PDE1A: variants seen among roughly 807,000 people sequenced by gnomAD.
The protein encoded by PDE1A is dual specificity calcium/calmodulin-dependent 3',5'-cyclic nucleotide phosphodiesterase 1A.
In PDE1A, 35 loss-of-function variants were observed where a neutral mutation model predicts 61.7. That is an observed-to-expected ratio of 0.57 (90% CI 0.43 to 0.75). PDE1A has a LOEUF of 0.75. Among genes scored for constraint, PDE1A ranks in the 30% least tolerant of loss-of-function variants. The pLI, the probability that PDE1A is intolerant of heterozygous loss-of-function variation, is 0.00. For missense variants in PDE1A, 597 were observed against 630.6 expected (o/e 0.95, Z 0.57); for synonymous variants, 232 against 213.2 (o/e 1.09, Z -0.77).
the PDE1A span, among the ~76,000 whole-genome samples, chr2:182,649,678 T>C: frequency 6.6e-6 from 1 of 151,442 alleles, no homozygotes; most frequent in African/African-American, 2.4e-5. Context: ...GGGCGCAATC[T>C]CAGTTCACTG....
chr2:182,449,049 T>TACACATACAC (rs1685328394), intron 2 of PDE1A, among the ~76,000 whole-genome samples: 1 of 90,574 alleles, frequency 1.1e-5, no homozygotes, highest in Non-Finnish European at 2.7e-5. Flanking sequence ...ATCATACACA[T>TACACATACAC]ACACACACAC....
At chr2:182,224,082 C>T in intron 6 of PDE1A, 118 bp from the exon 7 acceptor site, 1 of 645,024 alleles carries the variant, frequency 1.6e-6, no homozygotes, top group Non-Finnish European at 2.6e-6. Context: ...TTTTTCATTT[C>T]TTTTAATTTG....
rs371254846 is a variant in PDE1A at position 182,154,531 on chromosome 2, G to A, written c.1517-7379C>T. On this transcript the variant is annotated intron_variant, in intron 13 of 13. Transcript: ENST00000409365. ...CAGGTGAAGATAATTGAATCATGGG[G>A]GCAGTTTCCCCATACTGTTCTCACG... 3.3e-5 allele frequency among the ~76,000 whole-genome samples: 5 copies of A among 152,194 alleles called. No homozygotes were observed. The East Asian group carries it at 9.7e-4, about 29-fold the overall frequency.
At chr2:182,552,123 T>C in the PDE1A span, among the ~76,000 whole-genome samples, 1 of 152,226 alleles carries the variant, frequency 6.6e-6, no homozygotes, top group African/African-American at 2.4e-5. Context: ...TACTATTTCA[T>C]TTTTATCACA....
intron 1 of PDE1A, among the ~76,000 whole-genome samples, chr2:182,384,254 C>T (rs1053407073): frequency 6.6e-6 from 1 of 152,008 alleles, no homozygotes; most frequent in African/African-American, 2.4e-5. Flanking sequence ...CCACAAGAAT[C>T]AAGAAGAATT....
intron 13 of PDE1A, among the ~76,000 whole-genome samples, chr2:182,172,623 CTTA>C (rs1416303545): frequency 1.3e-5 from 2 of 151,994 alleles, no homozygotes; most frequent in African/African-American, 4.8e-5. Context: ...TTTCTCACTT[CTTA>C]TTTTGAGAAC....
chr2:182,657,139 C>T, the PDE1A span, among the ~76,000 whole-genome samples: 4 of 152,136 alleles, frequency 2.6e-5, no homozygotes, highest in African/African-American at 9.7e-5. Flanking sequence ...AGGAGAATCG[C>T]TTGAACCCGG....
intron 1 of PDE1A, among the ~76,000 whole-genome samples, chr2:182,330,675 C>T (rs1169447075): frequency 6.6e-6 from 1 of 152,130 alleles, no homozygotes; most frequent in Non-Finnish European, 1.5e-5. Flanking sequence ...ATCGCTGCAG[C>T]TCTAGAAAGG....
chr2:182,246,252 T>C (rs1317604212), intron 2 of PDE1A, among the ~76,000 whole-genome samples: 2 of 152,188 alleles, frequency 1.3e-5, no homozygotes, highest in Non-Finnish European at 2.9e-5. Context: ...TGCTATTCAC[T>C]CTACTTAGAA....
the PDE1A span, among the ~76,000 whole-genome samples, chr2:182,638,638 A>G: frequency 6.6e-6 from 1 of 152,264 alleles, no homozygotes; most frequent in Non-Finnish European, 1.5e-5. Flanking sequence ...AAAGCCCATT[A>G]TTTTCAGCGA....
chr2:182,655,956 G>C, the PDE1A span, among the ~76,000 whole-genome samples: 1 of 152,176 alleles, frequency 6.6e-6, no homozygotes, highest in African/African-American at 2.4e-5. Context: ...TTCAAAAACT[G>C]CCTTGAAGGC....
At chr2:182,171,711 T>C (rs752446809) in intron 13 of PDE1A, among the ~76,000 whole-genome samples, 5 of 151,412 alleles carry the variant, frequency 3.3e-5, no homozygotes, top group Non-Finnish European at 7.4e-5. Context: ...GGTGTGAGCA[T>C]TACACATGAA....
intron 2 of PDE1A, among the ~76,000 whole-genome samples, chr2:182,481,981 C>T (rs754950021): frequency 3.3e-5 from 5 of 151,858 alleles, no homozygotes; most frequent in African/African-American, 7.2e-5. Flanking sequence ...TGGAGATATA[C>T]GATACCTTTA....
the PDE1A span, among the ~76,000 whole-genome samples, chr2:182,682,055 T>C: frequency 6.6e-6 from 1 of 152,242 alleles, no homozygotes; most frequent in Non-Finnish European, 1.5e-5. Flanking sequence ...CCTTTTCTTA[T>C]TGACTTCACA....
At chr2:182,283,420 T>TAC (rs3063230) in intron 1 of PDE1A, among the ~76,000 whole-genome samples, 18,097 of 149,588 alleles carry the variant, frequency 0.12, 1,243 homozygotes, top group Middle Eastern at 0.18. Context: ...CACACACACA[T>TAC]ACACACACAC....
At chr2:182,531,520 TAAG>T in the PDE1A span, among the ~76,000 whole-genome samples, 4 of 152,098 alleles carry the variant, frequency 2.6e-5, no homozygotes, top group African/African-American at 9.7e-5. Context: ...TTAAGTTCAT[TAAG>T]AAGATATAAA....
At chr2:182,207,187 C>T (rs773351378) in intron 7 of PDE1A, among the ~76,000 whole-genome samples, 4 of 152,288 alleles carry the variant, frequency 2.6e-5, no homozygotes, top group Non-Finnish European at 4.4e-5. Context: ...GAACTTCATA[C>T]AGACTTGTTG....
At chr2:182,539,365 G>A in the PDE1A span, among the ~76,000 whole-genome samples, 7 of 152,146 alleles carry the variant, frequency 4.6e-5, no homozygotes, top group African/African-American at 1.7e-4. Context: ...AGGTCAAGTG[G>A]TGGGCTTGCA....
intron 1 of PDE1A, among the ~76,000 whole-genome samples, chr2:182,421,407 G>A (rs570935758): frequency 6.6e-6 from 1 of 152,222 alleles, no homozygotes; most frequent in Admixed American, 6.5e-5. Context: ...ATTAATTGTA[G>A]ATTTAATACT....
Sources: allele counts gnomAD v4.1 joint callset (sites outside exome capture counted in the v4.1 genomes callset), GRCh38; gene constraint gnomAD v4.1.1; transcripts MANE v1.5; gene names NCBI Gene and HGNC (gene_info 2026-07-23, HGNC 2026-07-21).